The following IPO8 variants were observed in gnomAD, a reference collection of about 807,000 sequenced individuals.
The protein encoded by IPO8 is importin-8.
In IPO8, 65 loss-of-function variants were observed where a neutral mutation model predicts 141.2. The observed-to-expected ratio is 0.46, with a 90% confidence interval of 0.38 to 0.57. IPO8 has a LOEUF of 0.57. IPO8 is among the 20% of genes least tolerant of loss of function. The probability of loss-of-function intolerance (pLI) is 0.00; values close to 1 mark genes in which losing one functional copy is unlikely to be tolerated. For synonymous variants in IPO8, 411 were observed against 420.3 expected (o/e 0.98, Z 0.27); for missense variants, 980 against 1,246.8 (o/e 0.79, Z 3.22).
intron 20 of IPO8, among the ~76,000 whole-genome samples, chr12:30,643,585 AC>A (rs2052602226): frequency 6.6e-6 from 1 of 151,936 alleles, no homozygotes; most frequent in South Asian, 2.1e-4. Context: ...GTAGTGGTCG[AC>A]CCCTTATGAA....
chr12:30,681,612 C>G (rs547197177), intron 4 of IPO8, 47 bp downstream of exon 4: 1 of 1,561,226 alleles, frequency 6.4e-7, no homozygotes, highest in East Asian at 2.3e-5. Flanking sequence ...TTCATTATTT[C>G]TAAGTTACAC....
At chr12:30,690,651 G>T in intron 1 of IPO8, 74 bp from the exon 2 acceptor site, 1 of 753,822 alleles carries the variant, frequency 1.3e-6, no homozygotes, top group Non-Finnish European at 2.2e-6. Context: ...ACCGGTTACT[G>T]AATACATTAC....
Position 30,634,237 on chromosome 12 carries a change from CA to C in IPO8, c.2744del (p.Met915SerfsTer51). The part of the protein sequence containing the change: ...EEETNVTAQA[M>X]QSNNGRGEDE... ...CTTCACCTCTTCCATTATTTGACTGCATTGCTTGAGCAGTTACATTTGTCTC... is the reference window on the plus strand; with the variant it reads ...CTTCACCTCTTCCATTATTTGACTGCTTGCTTGAGCAGTTACATTTGTCTC... On this transcript the variant is annotated frameshift_variant, in exon 23 of 25. Coordinates refer to ENST00000256079, the MANE Select transcript of IPO8 (RefSeq NM_006390.4). LOFTEE classifies it high-confidence loss of function. 6.2e-7 allele frequency: 1 copy of C among 1,613,942 alleles called. No individual in the cohort carries two copies. The highest frequency in any genetic ancestry group is 1.1e-5 in the South Asian group (1 of 91,074).
intron 19 of IPO8, 75 bp from the exon 20 acceptor site, chr12:30,649,307 C>G: frequency 9.9e-7 from 1 of 1,005,934 alleles, no homozygotes; most frequent in Non-Finnish European, 1.5e-6. Context: ...GCACAAATGT[C>G]CCATATAAAT....
chr12:30,681,892 C>T (rs993325678), intron 3 of IPO8, 75 bp from the exon 4 acceptor site: 4 of 1,263,626 alleles, frequency 3.2e-6, no homozygotes, highest in African/African-American at 3.1e-5. Flanking sequence ...TAATATTTTA[C>T]ATAAAAGTTT....
chr12:30,684,152 G>T, intron 3 of IPO8, 149 bp downstream of exon 3: 1 of 635,712 alleles, frequency 1.6e-6, no homozygotes, highest in Non-Finnish European at 2.6e-6. Flanking sequence ...AGACCACTAA[G>T]TAAAATAATA....
chr12:30,662,858 G>A (rs944677901), intron 14 of IPO8, among the ~76,000 whole-genome samples: 1 of 152,044 alleles, frequency 6.6e-6, no homozygotes, highest in South Asian at 2.1e-4. Context: ...AGACTATCCC[G>A]AATACTGATG....
Position 30,639,617 on chromosome 12 carries a change from A to T in IPO8, c.2387T>A (p.Leu796Ter), listed in dbSNP as rs1334888725. Residue 796 changes from leucine to a stop codon, truncating the protein, a stop_gained, in exon 21 of 25, where the codon TTG becomes TAG. Transcript: ENST00000256079. LOFTEE classifies it high-confidence loss of function. ...AIAALYYNPD[L>*]LLHTLERIQL... ...AATTCGTTCTAAAGTATGTAGCAGC[A>T]AATCAGGGTTGTAGTACAAGGCAGC... 1 of 1,614,014 alleles carries T rather than the reference A, an allele frequency of 6.2e-7. No homozygotes were observed. The highest frequency in any genetic ancestry group is 8.5e-7 in the Non-Finnish European group (1 of 1,179,976).
In IPO8 at chr12:30,661,242, G is replaced by A; in HGVS notation, c.1780C>T (p.Gln594Ter). The A allele has an allele frequency of 6.3e-7, 1 of 1,594,530 alleles. No homozygotes were observed. The highest frequency in any genetic ancestry group is 8.5e-7 in the Non-Finnish European group (1 of 1,171,918). The change falls in exon 16 of 25, where the codon CAA (glutamine) becomes TAA (stop). Residue 594 changes from glutamine to a stop codon, truncating the protein, a stop_gained. Transcript: ENST00000256079. LOFTEE classifies it high-confidence loss of function. The part of the protein sequence containing the change: ...HLAEIFGKVL[Q>*]SDEYEEVEDK... ...TCAACTTCTTCATATTCATCACTTTGAAGAACTTTGCCAAATATCTCAGCC... is the reference window on the plus strand; with the variant it reads ...TCAACTTCTTCATATTCATCACTTTAAAGAACTTTGCCAAATATCTCAGCC...
At chr12:30,665,085 G>T in intron 13 of IPO8, 135 bp downstream of exon 13, 2 of 610,350 alleles carry the variant, frequency 3.3e-6, no homozygotes, top group Non-Finnish European at 5.8e-6. Flanking sequence ...CAGCTGATGT[G>T]ACCATAGGCA....
rs769232774 is a variant in IPO8 at position 30,636,977 on chromosome 12, T to C, written c.2695+5A>G. On this transcript the variant is annotated splice_donor_5th_base_variant and intron_variant, in intron 22 of 24. Transcript: ENST00000256079. ...GTAACATTAATTTCAATTAGAAGAC[T>C]TTACCATTTTCTTCCATATCAGCTT... 6.2e-7 allele frequency: 1 copy of C among 1,610,816 alleles called. No individual in the cohort carries two copies. The highest frequency in any genetic ancestry group is 1.1e-5 in the South Asian group (1 of 90,988).
At chr12:30,689,636 T>G (rs2053272535) in intron 2 of IPO8, among the ~76,000 whole-genome samples, 1 of 152,226 alleles carries the variant, frequency 6.6e-6, no homozygotes, top group African/African-American at 2.4e-5. Context: ...CATCAGCATG[T>G]AGATTATGAC....
intron 16 of IPO8, among the ~76,000 whole-genome samples, chr12:30,660,462 A>G (rs929611134): frequency 6.6e-6 from 1 of 152,216 alleles, no homozygotes; most frequent in African/African-American, 2.4e-5. Flanking sequence ...TGTACAACTT[A>G]CTAGCTCTGG....
At chr12:30,631,068 G>C in intron 24 of IPO8, 111 bp from the exon 25 acceptor site, 2 of 685,796 alleles carry the variant, frequency 2.9e-6, no homozygotes, top group Non-Finnish European at 4.9e-6. Context: ...AACTGTGAAA[G>C]AATGTGACTG....
chr12:30,690,659 T>C, intron 1 of IPO8, 82 bp from the exon 2 acceptor site: 2 of 663,380 alleles, frequency 3.0e-6, no homozygotes, highest in South Asian at 2.3e-5. Context: ...CTGAATACAT[T>C]ACTGTCCAAA....
intron 9 of IPO8, 84 bp from the exon 10 acceptor site, chr12:30,669,366 G>A: frequency 1.7e-6 from 1 of 578,532 alleles, no homozygotes; most frequent in Non-Finnish European, 3.0e-6. Flanking sequence ...CTTGTTGACA[G>A]CCTTTATGAT....
At chr12:30,646,964 T>C (rs1021728282) in intron 20 of IPO8, among the ~76,000 whole-genome samples, 2 of 152,090 alleles carry the variant, frequency 1.3e-5, no homozygotes, top group African/African-American at 4.8e-5. Context: ...GACAAACGGA[T>C]CCTAAAACTC....
rs1254129531 is a variant in IPO8 at position 30,662,485 on chromosome 12, T to C, written c.1597A>G (p.Lys533Glu). The C allele has an allele frequency of 4.4e-6, 7 of 1,607,504 alleles. No individual in the cohort carries two copies. Among genetic ancestry groups the C allele is most frequent in the Non-Finnish European group, 6.0e-6 (7 of 1,175,512 alleles). Reference sequence around the variant, plus strand: ...CTCACATGTGGCTTCATATATTCCTTAGCTAATTCAATAAAACAAACAAAA... The same window carrying C: ...CTCACATGTGGCTTCATATATTCCTCAGCTAATTCAATAAAACAAACAAAA... ...QSLISNQIQA[K>E]EYMKPHVRPI... is the part of the protein sequence containing the mutation. The change falls in exon 15 of 25, where the codon AAG (lysine) becomes GAG (glutamate). Residue 533 changes from lysine (K) to glutamate (E), a missense_variant and splice_region_variant. Lys to Glu is a moderately conservative substitution (Grantham distance 56). Coordinates refer to ENST00000256079, the MANE Select transcript of IPO8 (RefSeq NM_006390.4).
At chr12:30,647,255 C>A (rs1378973918) in intron 20 of IPO8, among the ~76,000 whole-genome samples, 1 of 151,968 alleles carries the variant, frequency 6.6e-6, no homozygotes, top group African/African-American at 2.4e-5. Flanking sequence ...TAACTACATG[C>A]AAAAGAATTA....
Sources: allele counts gnomAD v4.1 joint callset (sites outside exome capture counted in the v4.1 genomes callset), GRCh38; gene constraint gnomAD v4.1.1; transcripts MANE v1.5; gene names NCBI Gene and HGNC (gene_info 2026-07-23, HGNC 2026-07-21).